RNF130: variants seen among roughly 807,000 people sequenced by gnomAD.
The protein encoded by RNF130 is ring finger protein 130.
Under a neutral mutation model 44.6 loss-of-function variants are expected in RNF130, and 21 were observed. The ratio of observed to expected loss-of-function variants is 0.47; its 90% CI spans 0.33 to 0.68. The LOEUF (loss-of-function observed/expected upper bound fraction) is 0.68, where lower values mean the gene tolerates loss of function less well. Among genes scored for constraint, RNF130 ranks in the 30% least tolerant of loss-of-function variants. The probability of loss-of-function intolerance (pLI) is 0.02; values close to 1 mark genes in which losing one functional copy is unlikely to be tolerated. For missense variants in RNF130, 479 were observed against 560.6 expected, an observed-to-expected ratio of 0.85 and a Z score of 1.47; for synonymous variants, 214 against 210.4, an observed-to-expected ratio of 1.02 and a Z score of -0.15.
rs530051555 is a variant in RNF130 at position 179,930,269 on chromosome 5, G to A, written c.1151-9843C>T. On this transcript the variant is annotated intron_variant, in intron 7 of 7. Transcript: ENST00000522208. ...GATGGGGTTTCACCACGTTGGTCAG[G>A]CTGATCTCGAACTCCTGACCTCGTG... Among the ~76,000 whole-genome samples, 5 of 152,214 alleles carry A rather than the reference G, an allele frequency of 3.3e-5. No individual in the cohort carries two copies. The South Asian group carries it at 6.2e-4, about 19-fold the overall frequency.
intron 7 of RNF130, among the ~76,000 whole-genome samples, chr5:179,944,215 T>C (rs1313388571): frequency 6.6e-6 from 1 of 152,130 alleles, no homozygotes; most frequent in Non-Finnish European, 1.5e-5. Flanking sequence ...GTGATCTGCC[T>C]GCCTTGGCCT....
chr5:179,998,855 T>A (rs1181194619), intron 3 of RNF130, among the ~76,000 whole-genome samples: 13 of 80,076 alleles, frequency 1.6e-4, no homozygotes, highest in Non-Finnish European at 2.8e-4. Context: ...AGATCTAGTA[T>A]TTTTTATATA....
At chr5:179,955,737 G>A (rs985737494) in intron 8 of RNF130, 68 bp from the exon 9 acceptor site, 12 of 1,349,214 alleles carry the variant, frequency 8.9e-6, no homozygotes, top group Non-Finnish European at 1.2e-5. Context: ...TAACAGAGAA[G>A]TGACCCTAAC....
chr5:179,967,280 C>T (rs942475237), intron 6 of RNF130, among the ~76,000 whole-genome samples: 1 of 152,232 alleles, frequency 6.6e-6, no homozygotes, highest in African/African-American at 2.4e-5. Context: ...TCATGGCCCA[C>T]AGGCACAGGG....
intron 5 of RNF130, among the ~76,000 whole-genome samples, chr5:179,973,624 A>G (rs1285066961): frequency 6.6e-6 from 1 of 152,072 alleles, no homozygotes; most frequent in Non-Finnish European, 1.5e-5. Flanking sequence ...CCATTCCCGC[A>G]CGCCTGACCG....
At chr5:179,949,541 T>C (rs1285033432) in intron 7 of RNF130, among the ~76,000 whole-genome samples, 2 of 152,180 alleles carry the variant, frequency 1.3e-5, no homozygotes, top group Non-Finnish European at 2.9e-5. Context: ...AACCTGTCTC[T>C]TGCATTACAA....
chr5:179,994,991 A>G (rs1009174891), intron 3 of RNF130, among the ~76,000 whole-genome samples: 4 of 152,140 alleles, frequency 2.6e-5, no homozygotes, highest in African/African-American at 9.7e-5. Flanking sequence ...GGGAGAGGTG[A>G]AGCTGGGTAG....
intron 7 of RNF130, among the ~76,000 whole-genome samples, chr5:179,942,954 T>C (rs1761985769): frequency 6.6e-6 from 1 of 152,204 alleles, no homozygotes; most frequent in Non-Finnish European, 1.5e-5. Flanking sequence ...CCCAGCAATT[T>C]GAGAGGCCGA....
At chr5:180,019,303 G>A (rs1359282962) in intron 2 of RNF130, among the ~76,000 whole-genome samples, 2 of 151,432 alleles carry the variant, frequency 1.3e-5, no homozygotes, top group Non-Finnish European at 2.9e-5. Context: ...AGAATGGCAT[G>A]AACCCGGGAG....
intron 3 of RNF130, chr5:179,980,575 T>C (rs1306093478): frequency 1.6e-5 from 3 of 186,768 alleles, no homozygotes; most frequent in Non-Finnish European, 3.4e-5. Context: ...CCAATGGCTT[T>C]TGGATTCTGC....
chr5:180,038,502 GTTCT>G (rs1401015979), intron 2 of RNF130, among the ~76,000 whole-genome samples: 5 of 151,632 alleles, frequency 3.3e-5, no homozygotes, highest in Admixed American at 2.0e-4. Flanking sequence ...GCCAAAACAG[GTTCT>G]TTAAGACTTC....
intron 2 of RNF130, among the ~76,000 whole-genome samples, chr5:180,032,933 G>A (rs77281718): frequency 0.013 from 2,027 of 151,798 alleles, 17 homozygotes; most frequent in Admixed American, 0.025. Flanking sequence ...TGACAATACT[G>A]AACAATGGAA....
chr5:179,976,857 G>A (rs1375509414), intron 5 of RNF130: 4 of 152,192 alleles, frequency 2.6e-5, no homozygotes, highest in Non-Finnish European at 5.9e-5. Context: ...TTAAAGGGAA[G>A]GGAGGAGGAA....
chr5:180,039,093 TAAATTA>T (rs1358503967), intron 2 of RNF130, among the ~76,000 whole-genome samples: 1 of 152,194 alleles, frequency 6.6e-6, no homozygotes, highest in African/African-American at 2.4e-5. Flanking sequence ...TTTCCCTGAA[TAAATTA>T]AAAGTTACAC....
chr5:179,966,120 G>A (rs143403692), intron 7 of RNF130, among the ~76,000 whole-genome samples: 13 of 152,264 alleles, frequency 8.5e-5, no homozygotes, highest in Admixed American at 2.0e-4. Flanking sequence ...CTACACACAC[G>A]CTGTCAGCTC....
intron 1 of RNF130, among the ~76,000 whole-genome samples, chr5:180,045,585 C>T (rs1426481118): frequency 6.6e-6 from 1 of 152,200 alleles, no homozygotes; most frequent in Non-Finnish European, 1.5e-5. Flanking sequence ...TATCTGACCC[C>T]ACCCACATCC....
chr5:179,975,375 C>T (rs1762696106), intron 5 of RNF130, among the ~76,000 whole-genome samples: 1 of 152,208 alleles, frequency 6.6e-6, no homozygotes, highest in Non-Finnish European at 1.5e-5. Context: ...GCTACTGACA[C>T]CTAGTGGGTA....
intron 1 of RNF130, among the ~76,000 whole-genome samples, chr5:180,055,095 C>A (rs1764775925): frequency 6.6e-6 from 1 of 151,814 alleles, no homozygotes; most frequent in African/African-American, 2.4e-5. Flanking sequence ...GTAATCCCAG[C>A]ACTTTGGGTG....
intron 7 of RNF130, chr5:179,920,526 T>A: frequency 1.6e-6 from 1 of 637,372 alleles, no homozygotes. Flanking sequence ...AAGCATGACA[T>A]TTTCTTAACT....
Sources: allele counts gnomAD v4.1 joint callset (sites outside exome capture counted in the v4.1 genomes callset), GRCh38; gene constraint gnomAD v4.1.1; transcripts MANE v1.5; gene names NCBI Gene and HGNC (gene_info 2026-07-23, HGNC 2026-07-21).